Variants in TIAM1 observed in about 807,000 individuals in gnomAD.
The protein encoded by TIAM1 is TIAM Rac1 associated GEF 1, also known as rho guanine nucleotide exchange factor TIAM1.
A neutral mutation model predicts 163.5 loss-of-function variants in TIAM1; 65 were observed. The observed-to-expected ratio is 0.40, with a 90% CI of 0.33 to 0.49. The LOEUF (loss-of-function observed/expected upper bound fraction) is 0.49. Ranked by LOEUF, TIAM1 falls within the 20% of genes least tolerant of loss-of-function variation. The pLI is 0.77. For missense variants in TIAM1, 1,789 were observed against 2,044.7 expected (o/e 0.87, Z 2.41); for synonymous variants, 833 against 810.1 (o/e 1.03, Z -0.48).
intron 2 of TIAM1, among the ~76,000 whole-genome samples, chr21:31,416,938 G>T (rs2043394286): frequency 6.6e-6 from 1 of 152,176 alleles, no homozygotes; most frequent in South Asian, 2.1e-4. Flanking sequence ...TCTTTAATGG[G>T]GATGCTGCCT....
At chr21:31,489,476 G>C (rs2046386932) in intron 1 of TIAM1, among the ~76,000 whole-genome samples, 1 of 102,630 alleles carries the variant, frequency 9.7e-6, no homozygotes, top group Admixed American at 1.1e-4. Flanking sequence ...AAGTGAGAAG[G>C]AGATGAAAGA....
At chr21:31,428,335 T>C (rs2043873284) in intron 2 of TIAM1, among the ~76,000 whole-genome samples, 2 of 152,194 alleles carry the variant, frequency 1.3e-5, no homozygotes, top group South Asian at 4.1e-4. Context: ...ACTGCACTTG[T>C]TAATACCCCT....
chr21:31,410,517 G>GAC (rs5843517), intron 2 of TIAM1, among the ~76,000 whole-genome samples: 147,557 of 151,984 alleles, frequency 0.97, 71,665 homozygotes, highest in East Asian at 1. Flanking sequence ...GTGTATGTGA[G>GAC]AGTGCATGAG....
chr21:31,197,360 A>G (rs1367780903), intron 12 of TIAM1, among the ~76,000 whole-genome samples: 1 of 152,002 alleles, frequency 6.6e-6, no homozygotes, highest in African/African-American at 2.4e-5. Flanking sequence ...AAATTAATCA[A>G]TATTTCATTT....
intron 16 of TIAM1, among the ~76,000 whole-genome samples, chr21:31,157,671 T>C (rs1457170635): frequency 6.6e-6 from 1 of 151,396 alleles, no homozygotes; most frequent in Non-Finnish European, 1.5e-5. Flanking sequence ...ATTCATCCCA[T>C]GTGCGCGTTT....
intron 1 of TIAM1, among the ~76,000 whole-genome samples, chr21:31,523,594 T>A (rs934375082): frequency 6.6e-6 from 1 of 152,178 alleles, no homozygotes; most frequent in South Asian, 2.1e-4. Flanking sequence ...TCTTCATCTC[T>A]GAACCTCAGT....
At chr21:31,539,346 A>T (rs946362040) in intron 1 of TIAM1, among the ~76,000 whole-genome samples, 2 of 150,308 alleles carry the variant, frequency 1.3e-5, no homozygotes, top group Non-Finnish European at 2.9e-5. Flanking sequence ...GCTCACTGCA[A>T]GCTCCACCTC....
rs779898764 is a variant in TIAM1 at position 31,153,095 on chromosome 21, G to C, written c.3211C>G (p.Gln1071Glu). The change falls in exon 18 of 28, where the codon CAA (glutamine) becomes GAA (glutamate). Residue 1071 changes from glutamine (Q) to glutamate (E), a missense_variant. Physicochemically the swap from Gln to Glu is conservative, Grantham distance 29. Coordinates refer to ENST00000541036, the MANE Select transcript of TIAM1 (RefSeq NM_001353694.2). ...CLMERYLKPLQKETFLTQDEL... is the reference protein window; with the variant it reads ...CLMERYLKPLEKETFLTQDEL... ...TCCTGGGTGAGAAAAGTTTCTTTTT[G>C]AAGAGGCTTTAGGTATCTCTCCATA... 1.2e-6 allele frequency: 2 copies of C among 1,613,568 alleles called. No individual in the cohort carries two copies. The highest frequency in any genetic ancestry group is 3.3e-5 in the Admixed American group (2 of 59,910).
intron 2 of TIAM1, among the ~76,000 whole-genome samples, chr21:31,370,922 C>G (rs1467830284): frequency 1.3e-5 from 2 of 152,202 alleles, no homozygotes; most frequent in African/African-American, 4.8e-5. Flanking sequence ...CTCTCAGACC[C>G]AGCACCCACA....
At chr21:31,142,205 C>A (rs546286130) in intron 20 of TIAM1, among the ~76,000 whole-genome samples, 1 of 152,108 alleles carries the variant, frequency 6.6e-6, no homozygotes, top group East Asian at 1.9e-4. Context: ...AATAATCATC[C>A]GTCCCCTGAG....
At chr21:31,428,452 A>G (rs2147273115) in intron 2 of TIAM1, among the ~76,000 whole-genome samples, 2 of 152,314 alleles carry the variant, frequency 1.3e-5, no homozygotes, top group Admixed American at 1.3e-4. Flanking sequence ...GATATACATT[A>G]AGCGATTCTC....
At chr21:31,335,367 T>C (rs1387659503) in intron 2 of TIAM1, among the ~76,000 whole-genome samples, 1 of 152,086 alleles carries the variant, frequency 6.6e-6, no homozygotes, top group Non-Finnish European at 1.5e-5. Flanking sequence ...AACAAGCTCA[T>C]GAACAGTGAA....
chr21:31,166,759 A>G (rs2084238250), intron 15 of TIAM1, among the ~76,000 whole-genome samples: 1 of 152,242 alleles, frequency 6.6e-6, no homozygotes, highest in Admixed American at 6.5e-5. Context: ...AAGTGCTTGA[A>G]TATTTTGCAC....
chr21:31,328,793 G>C (rs577707417), intron 2 of TIAM1, among the ~76,000 whole-genome samples: 4 of 151,168 alleles, frequency 2.6e-5, no homozygotes, highest in Non-Finnish European at 5.9e-5. Context: ...TCCCACTTAT[G>C]AGTGATAACC....
At chr21:31,324,288 G>C (rs2147041126) in intron 2 of TIAM1, among the ~76,000 whole-genome samples, 1 of 152,176 alleles carries the variant, frequency 6.6e-6, no homozygotes, top group Admixed American at 6.5e-5. Context: ...GGGAGGCGGA[G>C]GTTGCAGTGA....
intron 2 of TIAM1, among the ~76,000 whole-genome samples, chr21:31,278,727 A>C: frequency 6.6e-6 from 1 of 152,210 alleles, no homozygotes; most frequent in East Asian, 1.9e-4. Flanking sequence ...CAGGGAAAGG[A>C]GCACGAGTTC....
chr21:31,364,015 G>A (rs747810730), intron 2 of TIAM1, among the ~76,000 whole-genome samples: 3 of 152,132 alleles, frequency 2.0e-5, no homozygotes. Flanking sequence ...ACAGCCCCAG[G>A]ACATCTCTAC....
At chr21:31,121,541 A>G (rs1382010676) in intron 27 of TIAM1, among the ~76,000 whole-genome samples, 1 of 152,172 alleles carries the variant, frequency 6.6e-6, no homozygotes, top group Non-Finnish European at 1.5e-5. Context: ...CTTCTTTCTG[A>G]CAAAGTCCCA....
Position 31,161,616 on chromosome 21 carries a change from G to A in TIAM1, c.2991+3346C>T, listed in dbSNP as rs530341760. 1.4e-4 allele frequency among the ~76,000 whole-genome samples: 22 copies of A among 152,242 alleles called. No homozygotes were observed. In the South Asian group the frequency reaches 2.9e-3, roughly 20 times the overall value. ...AACATGCTTTTTCTTTATGCTGACC[G>A]ATATCATGTAAAACAGTCCATTTAG... On this transcript the variant is annotated intron_variant, in intron 16 of 27. Coordinates refer to ENST00000541036, the MANE Select transcript of TIAM1 (RefSeq NM_001353694.2).
Sources: allele counts gnomAD v4.1 joint callset (sites outside exome capture counted in the v4.1 genomes callset), GRCh38; gene constraint gnomAD v4.1.1; transcripts MANE v1.5; gene names NCBI Gene and HGNC (gene_info 2026-07-23, HGNC 2026-07-21).